Variants in ANXA2 observed in about 807,000 individuals in gnomAD.
ANXA2 encodes annexin II.
In ANXA2, 28 loss-of-function variants were observed where a neutral mutation model predicts 47.3. The ratio of observed to expected loss-of-function variants is 0.59; its 90% confidence interval spans 0.44 to 0.81. ANXA2 has a LOEUF of 0.81. ANXA2 is among the 40% of genes least tolerant of loss of function. ANXA2 has a pLI of 0.00. For synonymous variants in ANXA2, 172 were observed against 155.5 expected (o/e 1.11, Z -0.79); for missense variants, 384 against 414.3 (o/e 0.93, Z 0.64).
intron 4 of ANXA2, chr15:60,363,060 T>TAAAAAAAA (rs2062542265): frequency 2.1e-5 from 2 of 97,194 alleles, no homozygotes; most frequent in African/African-American, 7.8e-5. Context: ...AAAAAAAAAG[T>TAAAAAAAA]TTCAGGCTTC....
rs896279142 is a variant in ANXA2 at position 60,361,166 on chromosome 15, C to T, written c.244-112G>A. 9.4e-6 allele frequency: 7 copies of T among 744,656 alleles called. No individual in the cohort carries two copies. The African/African-American group carries it at 1.0e-4, about 11-fold the overall frequency. 46.1% of individuals were successfully genotyped at this position (744,656 alleles called of 1,614,324 possible). A position where few individuals can be genotyped will look rare whatever the true frequency, so the allele number is the denominator to read the frequency against. The stretch of plus-strand genomic sequence containing the variant: ...GAAGCAGGTTGTGAGTCTTTGACCA[C>T]TCCGGAGTCTTGGGTCAAACGCCCT... On this transcript the variant is annotated intron_variant, in intron 4 of 12. Transcript: ENST00000451270.
At chr15:60,387,300 C>T (rs1595706880) in intron 1 of ANXA2, among the ~76,000 whole-genome samples, 1 of 152,150 alleles carries the variant, frequency 6.6e-6, no homozygotes, top group Non-Finnish European at 1.5e-5. Context: ...TTATGCACAG[C>T]GAAAAGTCAG....
chr15:60,357,068 G>T (rs2062441497), intron 6 of ANXA2, 78 bp downstream of exon 6: 7 of 1,355,796 alleles, frequency 5.2e-6, no homozygotes. Flanking sequence ...ATCTTAGCCC[G>T]AACCCTAACC....
intron 2 of ANXA2, chr15:60,383,785 T>C (rs2062897191): frequency 7.1e-6 from 1 of 141,676 alleles, no homozygotes; most frequent in African/African-American, 2.7e-5. Flanking sequence ...CTGTGAAGAG[T>C]GAAAAGGCCA....
chr15:60,361,182 C>A, intron 4 of ANXA2, 128 bp from the exon 5 acceptor site: 1 of 680,838 alleles, frequency 1.5e-6, no homozygotes. Flanking sequence ...AGTCTTGGGT[C>A]AAACGCCCTC....
At chr15:60,370,035 T>A (rs1265489108) in intron 3 of ANXA2, among the ~76,000 whole-genome samples, 3 of 152,202 alleles carry the variant, frequency 2.0e-5, no homozygotes, top group African/African-American at 7.2e-5. Context: ...AATCCAATTA[T>A]CGGAGATCCC....
At chr15:60,354,041 G>A (rs1566930911) in intron 8 of ANXA2, 113 bp downstream of exon 8, 1 of 771,358 alleles carries the variant, frequency 1.3e-6, no homozygotes, top group South Asian at 2.1e-5. Flanking sequence ...CATGTTTGTT[G>A]TTTTAAGCCA....
At chr15:60,384,937 A>T (rs1404083099) in intron 2 of ANXA2, 1 of 152,274 alleles carries the variant, frequency 6.6e-6, no homozygotes, top group Non-Finnish European at 1.5e-5. Flanking sequence ...CGTAAAAGCC[A>T]TTTCTGCCAG....
chr15:60,385,955 T>C (rs1166918959), intron 2 of ANXA2, 73 bp downstream of exon 2: 3 of 974,710 alleles, frequency 3.1e-6, no homozygotes, highest in African/African-American at 3.3e-5. Context: ...TGTACAAGGA[T>C]AGAGAGTAAT....
chr15:60,389,049 G>A (rs1376542404), intron 1 of ANXA2, among the ~76,000 whole-genome samples: 1 of 152,024 alleles, frequency 6.6e-6, no homozygotes, highest in African/African-American at 2.4e-5. Flanking sequence ...GAGAATTACC[G>A]AAGCAGAGGT....
chr15:60,382,599 G>A lies in ANXA2; in HGVS notation c.49-158C>T, dbSNP rs193071718. Reference sequence around the variant, plus strand: ...GTATTAACACACCATCACACTTCACGCAAGCAATTTCATTTTTTCTAATAA... The same window carrying A: ...GTATTAACACACCATCACACTTCACACAAGCAATTTCATTTTTTCTAATAA... On this transcript the variant is annotated intron_variant, in intron 2 of 12. Transcript: ENST00000451270. 6.7e-4 allele frequency: 325 copies of A among 481,876 alleles called. 1 individual carries two copies. Among genetic ancestry groups the A allele is most frequent in the Non-Finnish European group, 9.0e-4 (240 of 266,968 alleles). 29.9% of individuals were successfully genotyped at this position (481,876 alleles called of 1,614,324 possible). A position where few individuals can be genotyped will look rare whatever the true frequency, so the allele number is the denominator to read the frequency against.
At chr15:60,354,005 TGA>T in intron 8 of ANXA2, 147 bp downstream of exon 8, 3 of 618,434 alleles carry the variant, frequency 4.9e-6, no homozygotes, top group Non-Finnish European at 8.2e-6. Flanking sequence ...CCTCAATTCC[TGA>T]CACACAGAAA....
chr15:60,397,768 T>G, intron 1 of ANXA2, 175 bp downstream of exon 1: 1 of 778,560 alleles, frequency 1.3e-6, no homozygotes, highest in Non-Finnish European at 1.6e-6. Context: ...ACCTTGTCCC[T>G]GAGCCCCCTC....
chr15:60,372,566 C>T (rs776756951), intron 3 of ANXA2, among the ~76,000 whole-genome samples: 3 of 152,126 alleles, frequency 2.0e-5, no homozygotes, highest in Non-Finnish European at 2.9e-5. Flanking sequence ...CTGATTTGGG[C>T]ATACACTCTG....
chr15:60,375,616 T>C (rs1047006050), intron 3 of ANXA2, among the ~76,000 whole-genome samples: 1 of 152,234 alleles, frequency 6.6e-6, no homozygotes, highest in Non-Finnish European at 1.5e-5. Context: ...TACTTTTGCA[T>C]GACTGTACTC....
At chr15:60,386,918 G>T (rs1476858253) in intron 1 of ANXA2, 1 of 152,176 alleles carries the variant, frequency 6.6e-6, no homozygotes, top group Non-Finnish European at 1.5e-5. Context: ...AGAAAACAGA[G>T]TAGAGCTGCG....
At chr15:60,394,516 T>A (rs910901372) in intron 1 of ANXA2, 4 of 152,004 alleles carry the variant, frequency 2.6e-5, no homozygotes, top group African/African-American at 9.7e-5. Flanking sequence ...CTGGCCAACA[T>A]GATGAAACCC....
chr15:60,374,753 C>G (rs1169851901), intron 3 of ANXA2: 2 of 455,400 alleles, frequency 4.4e-6, no homozygotes, highest in Non-Finnish European at 8.8e-6. Context: ...GTGGCTGTGA[C>G]TCAGCACTGG....
chr15:60,373,938 T>C (rs530534015), intron 3 of ANXA2, among the ~76,000 whole-genome samples: 4 of 152,276 alleles, frequency 2.6e-5, no homozygotes, highest in Admixed American at 1.3e-4. Flanking sequence ...TCCAGTTACA[T>C]GACAAACTCT....
Sources: allele counts gnomAD v4.1 joint callset (sites outside exome capture counted in the v4.1 genomes callset), GRCh38; gene constraint gnomAD v4.1.1; transcripts MANE v1.5; gene names NCBI Gene and HGNC (gene_info 2026-07-23, HGNC 2026-07-21).